SHISA6: variants seen among roughly 807,000 people sequenced by gnomAD.
SHISA6 encodes the protein shisa family member 6.
Under a neutral mutation model 47.9 loss-of-function variants are expected in SHISA6, and 22 were observed. The ratio of observed to expected loss-of-function variants is 0.46; its 90% CI spans 0.33 to 0.66. The LOEUF (loss-of-function observed/expected upper bound fraction) is 0.66, where lower values mean the gene tolerates loss of function less well. Among genes scored for constraint, SHISA6 ranks in the 30% least tolerant of loss-of-function variants. SHISA6 has a pLI of 0.02. For missense variants in SHISA6, 680 were observed against 764.6 expected (o/e 0.89, Z 1.30); for synonymous variants, 388 against 337.8 (o/e 1.15, Z -1.63).
chr17:11,491,207 T>C (rs1241086185), intron 3 of SHISA6, among the ~76,000 whole-genome samples: 2 of 152,140 alleles, frequency 1.3e-5, no homozygotes, highest in Non-Finnish European at 2.9e-5. Context: ...AGTCATATTG[T>C]CAACAGAACG....
intron 3 of SHISA6, among the ~76,000 whole-genome samples, chr17:11,406,793 G>C (rs1275317637): frequency 7.2e-5 from 11 of 152,122 alleles, no homozygotes; most frequent in Non-Finnish European, 1.6e-4. Context: ...AAACTGATCT[G>C]TTTTAGCATG....
intron 3 of SHISA6, among the ~76,000 whole-genome samples, chr17:11,412,702 G>T (rs541576730): frequency 1.3e-5 from 2 of 151,912 alleles, no homozygotes; most frequent in East Asian, 1.9e-4. Context: ...CCACCGTGCC[G>T]GGCTAATTTT....
chr17:11,404,860 A>G (rs747303687), intron 3 of SHISA6, among the ~76,000 whole-genome samples: 4 of 152,186 alleles, frequency 2.6e-5, no homozygotes, highest in Non-Finnish European at 5.9e-5. Context: ...ACAAGAGGCA[A>G]TGCAGCCCTC....
At chr17:11,415,627 T>A (rs1490761732) in intron 3 of SHISA6, among the ~76,000 whole-genome samples, 1 of 152,264 alleles carries the variant, frequency 6.6e-6, no homozygotes, top group African/African-American at 2.4e-5. Flanking sequence ...GTAAACAAGA[T>A]CTTTATTAAT....
At chr17:11,259,647 T>G (rs1162985415) in intron 1 of SHISA6, among the ~76,000 whole-genome samples, 1 of 152,222 alleles carries the variant, frequency 6.6e-6, no homozygotes, top group South Asian at 2.1e-4. Flanking sequence ...CAGATACACT[T>G]TCATTCCCTC....
chr17:11,499,675 T>TTTTCTTTC (rs1166552535), intron 3 of SHISA6, among the ~76,000 whole-genome samples: 5 of 142,318 alleles, frequency 3.5e-5, no homozygotes, highest in African/African-American at 1.3e-4. Context: ...AATCTATTCT[T>TTTTCTTTC]TTTCTTTCTT....
At chr17:11,346,231 A>G (rs1911696489) in intron 2 of SHISA6, among the ~76,000 whole-genome samples, 1 of 152,154 alleles carries the variant, frequency 6.6e-6, no homozygotes, top group African/African-American at 2.4e-5. Context: ...TTGTTCAAGA[A>G]AAGACAAAAC....
At chr17:11,395,042 C>T (rs533778900) in intron 3 of SHISA6, among the ~76,000 whole-genome samples, 1 of 128,430 alleles carries the variant, frequency 7.8e-6, no homozygotes, top group East Asian at 2.3e-4. Flanking sequence ...CGCTCTGTTG[C>T]CCAGGCTGGA....
chr17:11,295,729 T>A (rs1909728678), intron 2 of SHISA6, among the ~76,000 whole-genome samples: 1 of 152,028 alleles, frequency 6.6e-6, no homozygotes, highest in African/African-American at 2.4e-5. Flanking sequence ...TTTGGGAGGC[T>A]GAGGCAGGCA....
At chr17:11,417,701 G>A (rs1914324357) in intron 3 of SHISA6, among the ~76,000 whole-genome samples, 1 of 152,230 alleles carries the variant, frequency 6.6e-6, no homozygotes, top group African/African-American at 2.4e-5. Context: ...GCCATTGCTG[G>A]TAGTTCGGAC....
chr17:11,472,389 G>C (rs1201243616), intron 3 of SHISA6, among the ~76,000 whole-genome samples: 1 of 152,174 alleles, frequency 6.6e-6, no homozygotes, highest in Non-Finnish European at 1.5e-5. Flanking sequence ...TGTAGAGACA[G>C]GGTCTCACTA....
intron 2 of SHISA6, among the ~76,000 whole-genome samples, chr17:11,326,983 C>A (rs1219147118): frequency 6.6e-6 from 1 of 152,174 alleles, no homozygotes; most frequent in Non-Finnish European, 1.5e-5. Flanking sequence ...ATGTCCATTA[C>A]GACCTTGCTC....
chr17:11,464,244 A>G (rs1043471402), intron 3 of SHISA6, among the ~76,000 whole-genome samples: 5 of 152,248 alleles, frequency 3.3e-5, no homozygotes, highest in African/African-American at 1.2e-4. Flanking sequence ...TAAACTTACA[A>G]TACACCATTA....
chr17:11,315,450 C>T (rs552089098), intron 2 of SHISA6, among the ~76,000 whole-genome samples: 8 of 151,864 alleles, frequency 5.3e-5, no homozygotes, highest in East Asian at 1.9e-4. Flanking sequence ...ACATTGATTC[C>T]GACCTCTTTA....
At chr17:11,327,853 A>G (rs1910954932) in intron 2 of SHISA6, among the ~76,000 whole-genome samples, 1 of 152,284 alleles carries the variant, frequency 6.6e-6, no homozygotes, top group South Asian at 2.1e-4. Context: ...AAAGAGGTTT[A>G]AACTGCTGAC....
chr17:11,358,399 G>A (rs1597474532), intron 2 of SHISA6, among the ~76,000 whole-genome samples: 1 of 151,754 alleles, frequency 6.6e-6, no homozygotes, highest in African/African-American at 2.4e-5. Flanking sequence ...CTCTCCTGTC[G>A]CCCAGGCTGG....
intron 3 of SHISA6, among the ~76,000 whole-genome samples, chr17:11,521,437 T>C (rs2071628300): frequency 6.6e-6 from 1 of 152,164 alleles, no homozygotes; most frequent in Non-Finnish European, 1.5e-5. Context: ...GGTTGCTGGC[T>C]ATAAAGTTTT....
rs1189113191 is a variant in SHISA6 at position 11,241,317 on chromosome 17, G to T, written c.-106G>T. The T allele has an allele frequency of 4.3e-6, 3 of 701,270 alleles. No homozygotes were observed. The highest frequency in any genetic ancestry group is 7.0e-4 in the Middle Eastern group (1 of 1,438). 43.4% of individuals were successfully genotyped at this position (701,270 alleles called of 1,614,324 possible). A position where few individuals can be genotyped will look rare whatever the true frequency, so the allele number is the denominator to read the frequency against. ...CGCCATCGCCCCGGAGCCGCTGACC[G>T]CTCAGCGCCTCCAGCCCGGCCCGCG... On this transcript the variant is annotated 5_prime_UTR_variant, in exon 1 of 6. Transcript: ENST00000441885. This position sits in a 1 kb window ranked among gnomAD's most constrained non-coding sequence, Gnocchi z 5.5.
chr17:11,247,823 G>A (rs1907651362), intron 1 of SHISA6, among the ~76,000 whole-genome samples: 1 of 146,974 alleles, frequency 6.8e-6, no homozygotes, highest in Non-Finnish European at 1.5e-5. Flanking sequence ...GGCCCAAGCT[G>A]GAGTGCAGTG....
Sources: allele counts gnomAD v4.1 joint callset (sites outside exome capture counted in the v4.1 genomes callset), GRCh38; gene constraint gnomAD v4.1.1; non-coding constraint Gnocchi (gnomAD v3.1); transcripts MANE v1.5; gene names NCBI Gene and HGNC (gene_info 2026-07-23, HGNC 2026-07-21).